CD247: variants seen among roughly 807,000 people sequenced by gnomAD.
CD247 encodes the protein T-cell surface glycoprotein CD3 zeta chain.
A neutral mutation model predicts 30.0 loss-of-function variants in CD247; 13 were observed. The observed-to-expected ratio is 0.43, with a 90% CI of 0.28 to 0.69. CD247 has a LOEUF of 0.69. Ranked by LOEUF, CD247 falls within the 30% of genes least tolerant of loss-of-function variation. The pLI, the probability that CD247 is intolerant of heterozygous loss-of-function variation, is 0.16. For synonymous variants in CD247, 72 were observed against 80.0 expected (o/e 0.90, Z 0.53); for missense variants, 193 against 212.6 (o/e 0.91, Z 0.57).
Position 167,446,764 on chromosome 1 carries a change from C to A in CD247, c.59-5997G>T, listed in dbSNP as rs112675346. Among the ~76,000 whole-genome samples, 1,459 of 152,212 alleles carry A rather than the reference C, an allele frequency of 9.6e-3. 25 individuals carry two copies. Among genetic ancestry groups the A allele is most frequent in the South Asian group, 0.031 (148 of 4,822 alleles). On this transcript the variant is annotated intron_variant, in intron 1 of 7. Coordinates refer to ENST00000362089, the MANE Select transcript of CD247 (RefSeq NM_198053.3). Reference sequence around the variant, plus strand: ...ATCCCAGCACTTTGGGAGGCCGAGGCGGGCGGATCATGAGGTCAGGAGATC... The same window carrying A: ...ATCCCAGCACTTTGGGAGGCCGAGGAGGGCGGATCATGAGGTCAGGAGATC...
chr1:167,435,653 G>T (rs756388364), intron 4 of CD247, among the ~76,000 whole-genome samples: 1 of 152,222 alleles, frequency 6.6e-6, no homozygotes, highest in Admixed American at 6.5e-5. Context: ...TACACACTTC[G>T]CTCTTCCAGA....
chr1:167,434,638 G>A (rs1357228634), intron 5 of CD247: 2 of 389,692 alleles, frequency 5.1e-6, no homozygotes, highest in African/African-American at 4.2e-5. Flanking sequence ...CAGCACCCAG[G>A]ACAGGAGCCC....
intron 1 of CD247, among the ~76,000 whole-genome samples, chr1:167,499,468 G>A (rs1034596713): frequency 6.6e-6 from 1 of 152,194 alleles, no homozygotes; most frequent in African/African-American, 2.4e-5. Context: ...GACTGAAGGT[G>A]TCCACATCCT....
intron 1 of CD247, among the ~76,000 whole-genome samples, chr1:167,506,257 T>C (rs574608576): frequency 4.7e-5 from 1 of 21,064 alleles, no homozygotes; most frequent in Admixed American, 4.8e-4. Context: ...TTTTCTTTTC[T>C]TTTCTTTTCT....
intron 1 of CD247, chr1:167,458,689 C>CTTTTTTTTTTTTTTTT (rs3070395): frequency 3.1e-5 from 3 of 95,428 alleles, no homozygotes; most frequent in Admixed American, 1.1e-4. Context: ...TTCTTTCTTT[C>CTTTTTTTTTTTTTTTT]TTTTTTTTTT....
intron 1 of CD247, among the ~76,000 whole-genome samples, chr1:167,470,015 G>A (rs1653435761): frequency 6.6e-6 from 1 of 152,182 alleles, no homozygotes; most frequent in African/African-American, 2.4e-5. Context: ...CCAGGCTCAA[G>A]TGATTCTCTT....
At position 167,506,784 on chromosome 1, in the gene CD247, T is replaced by C. The variant is rs146294917; in HGVS notation, c.58+11624A>G. On this transcript the variant is annotated intron_variant, in intron 1 of 7. Transcript: ENST00000362089. ...GGAATAAATGTAAAATCTTACATTA[T>C]CTTGAATACTACAAATAGTGAGACC... 1.8e-3 allele frequency among the ~76,000 whole-genome samples: 273 copies of C among 152,334 alleles called. 1 individual carries two copies. The highest frequency in any genetic ancestry group is 6.4e-3 in the African/African-American group (266 of 41,574).
In CD247 at chr1:167,445,793, G is replaced by A. The variant is rs545949421; in HGVS notation, c.59-5026C>T. ...TACCCTGAGGCTGAAAATACACGCT[G>A]GTGCCCTTTCCCCTGCAGTCAACCT... On this transcript the variant is annotated intron_variant, in intron 1 of 7. Transcript: ENST00000362089. Among the ~76,000 whole-genome samples, 27 of 152,282 alleles carry A rather than the reference G, an allele frequency of 1.8e-4. No individual in the cohort carries two copies. In the East Asian group the frequency reaches 3.3e-3, roughly 18 times the overall value.
intron 1 of CD247, among the ~76,000 whole-genome samples, chr1:167,471,197 A>G (rs1653508735): frequency 6.6e-6 from 1 of 152,156 alleles, no homozygotes; most frequent in Non-Finnish European, 1.5e-5. Context: ...ATAAATTAAG[A>G]CACATGGAAA....
intron 1 of CD247, among the ~76,000 whole-genome samples, chr1:167,485,912 T>C (rs766528103): frequency 2.6e-5 from 4 of 151,648 alleles, no homozygotes; most frequent in Non-Finnish European, 5.9e-5. Flanking sequence ...GCCAAGAAGG[T>C]TGAACAACCA....
rs138948227 is a variant in CD247 at position 167,450,342 on chromosome 1, A to C, written c.59-9575T>G. Among the ~76,000 whole-genome samples the C allele has an allele frequency of 2.8e-3, 425 of 152,226 alleles. 1 individual carries two copies. Among genetic ancestry groups the C allele is most frequent in the Non-Finnish European group, 4.8e-3 (327 of 68,020 alleles). ...AAGACCCTCCCTCTACAAAAAATAA[A>C]AAATTAGCTGGGCATGATGGTGCAT... On this transcript the variant is annotated intron_variant, in intron 1 of 7. Coordinates refer to ENST00000362089, the MANE Select transcript of CD247 (RefSeq NM_198053.3).
intron 1 of CD247, among the ~76,000 whole-genome samples, chr1:167,463,288 G>A (rs115775307): frequency 0.028 from 4,274 of 152,252 alleles, 200 homozygotes; most frequent in African/African-American, 0.098. Context: ...GCCAGGTACA[G>A]ACAGCAAACT....
intron 1 of CD247, among the ~76,000 whole-genome samples, chr1:167,459,349 T>C (rs1010263573): frequency 1.2e-4 from 5 of 41,330 alleles, no homozygotes; most frequent in African/African-American, 5.9e-4. Flanking sequence ...CTTACAACTC[T>C]TTTTTTTTTT....
intron 1 of CD247, among the ~76,000 whole-genome samples, chr1:167,453,846 GCCCC>G (rs71899273): frequency 0.015 from 2,267 of 152,180 alleles, 31 homozygotes; most frequent in South Asian, 0.028. Flanking sequence ...TGTAGCCCCA[GCCCC>G]CTCCTCCGGA....
intron 1 of CD247, among the ~76,000 whole-genome samples, chr1:167,452,632 G>A (rs148157484): frequency 4.7e-4 from 72 of 152,238 alleles, no homozygotes; most frequent in African/African-American, 1.5e-3. Context: ...CCTCCCAGCC[G>A]AGCAGAGAGG....
At chr1:167,507,652 G>A (rs112656281) in intron 1 of CD247, among the ~76,000 whole-genome samples, 6 of 152,068 alleles carry the variant, frequency 3.9e-5, no homozygotes, top group African/African-American at 9.6e-5. Flanking sequence ...CCAGGGCAAC[G>A]TAGTGAGAAC....
chr1:167,463,657 T>C (rs1723015), intron 1 of CD247, among the ~76,000 whole-genome samples: 71,144 of 152,034 alleles, frequency 0.47, 16,799 homozygotes, highest in Middle Eastern at 0.57. Flanking sequence ...ACCAAAGAGT[T>C]ATTATTTTGT....
At chr1:167,440,008 G>C (rs1557995576) in intron 2 of CD247, 1 of 163,550 alleles carries the variant, frequency 6.1e-6, no homozygotes, top group Non-Finnish European at 1.3e-5. Flanking sequence ...TAGAGCATTG[G>C]AAACAACCTT....
At chr1:167,505,087 C>T (rs1655060876) in intron 1 of CD247, among the ~76,000 whole-genome samples, 1 of 152,176 alleles carries the variant, frequency 6.6e-6, no homozygotes. Flanking sequence ...CCAAGGGCTT[C>T]CTCTGGTGAG....
Sources: allele counts gnomAD v4.1 joint callset (sites outside exome capture counted in the v4.1 genomes callset), GRCh38; gene constraint gnomAD v4.1.1; transcripts MANE v1.5; gene names NCBI Gene and HGNC (gene_info 2026-07-23, HGNC 2026-07-21).